Variants in CELSR1 observed in about 807,000 individuals in gnomAD.
CELSR1 encodes the protein adhesion G protein-coupled receptor C1.
CELSR1 carries 110 observed loss-of-function variants against 249.1 expected under a neutral mutation model. That is an observed-to-expected ratio of 0.44 (90% CI 0.38 to 0.52). CELSR1 has a LOEUF of 0.52. Among genes scored for constraint, CELSR1 ranks in the 20% least tolerant of loss-of-function variants. The probability of loss-of-function intolerance (pLI) is 0.00; values close to 1 mark genes in which losing one functional copy is unlikely to be tolerated. For synonymous variants in CELSR1, 2,113 were observed against 1,900.0 expected, an observed-to-expected ratio of 1.11 and a Z score of -2.92; for missense variants, 4,109 against 4,296.4, an observed-to-expected ratio of 0.96 and a Z score of 1.22.
intron 1 of CELSR1, among the ~76,000 whole-genome samples, chr22:46,494,674 T>C (rs546234903): frequency 6.6e-6 from 1 of 152,076 alleles, no homozygotes; most frequent in East Asian, 1.9e-4. Flanking sequence ...GCCTGGCTAA[T>C]TTCTGTATTT....
In CELSR1 at chr22:46,406,524, G is replaced by A. The variant is rs886765025; in HGVS notation, c.5226+2472C>T. 2.6e-5 allele frequency among the ~76,000 whole-genome samples: 4 copies of A among 152,214 alleles called. No homozygotes were observed. The highest frequency in any genetic ancestry group is 9.6e-5 in the African/African-American group (4 of 41,460). On this transcript the variant is annotated intron_variant, in intron 9 of 34. Coordinates refer to ENST00000674500, the MANE Select transcript of CELSR1 (RefSeq NM_001378328.1). The surrounding 1 kb of genome is among the most constrained non-coding windows in gnomAD (Gnocchi z 5.4). ...AGGGACTGACCTCCACCAGCCTGCT[G>A]GGAGCACTCTCGGTCCTGCCCCCGC...
intron 1 of CELSR1, among the ~76,000 whole-genome samples, chr22:46,509,464 T>C (rs2080550142): frequency 3.3e-5 from 1 of 30,526 alleles, no homozygotes; most frequent in Admixed American, 3.9e-4. Context: ...TAAGGAGCCC[T>C]GAGCCCATGC....
At chr22:46,475,246 G>GA (rs768492118) in intron 1 of CELSR1, among the ~76,000 whole-genome samples, 3 of 151,966 alleles carry the variant, frequency 2.0e-5, no homozygotes, top group Non-Finnish European at 4.4e-5. Flanking sequence ...TATTATTACT[G>GA]AAAAAAACCC....
At position 46,423,207 on chromosome 22, in the gene CELSR1, G is replaced by A. The variant is rs573653699; in HGVS notation, c.4611+10186C>T. Among the ~76,000 whole-genome samples, 31 of 152,364 alleles carry A rather than the reference G, an allele frequency of 2.0e-4. No individual in the cohort carries two copies. Among genetic ancestry groups the A allele is most frequent in the South Asian group, 1.0e-3 (5 of 4,826 alleles). ...AGAGGCCCCAGCTGCCATGGCTAAC[G>A]GCCAGGTCATATGAGTGAGGCCTTC... On this transcript the variant is annotated intron_variant, in intron 5 of 34. Transcript: ENST00000674500. This position sits in a 1 kb window ranked among gnomAD's most constrained non-coding sequence, Gnocchi z 5.6.
intron 5 of CELSR1, among the ~76,000 whole-genome samples, chr22:46,424,816 T>C (rs1237971677): frequency 6.6e-6 from 1 of 152,106 alleles, no homozygotes; most frequent in African/African-American, 2.4e-5. Context: ...CTACTAAAAA[T>C]ACAAAATTAG....
At chr22:46,508,741 T>C (rs924672915) in intron 1 of CELSR1, among the ~76,000 whole-genome samples, 8 of 152,162 alleles carry the variant, frequency 5.3e-5, no homozygotes, top group African/African-American at 1.9e-4. Context: ...AGAATGAATA[T>C]GTTAAACAGT....
intron 1 of CELSR1, among the ~76,000 whole-genome samples, chr22:46,494,089 T>C (rs184148599): frequency 5.3e-5 from 8 of 152,342 alleles, no homozygotes; most frequent in Admixed American, 4.6e-4. Flanking sequence ...AATTCAGCTC[T>C]ATGATTTCTT....
chr22:46,493,621 A>C (rs563666019), intron 1 of CELSR1, among the ~76,000 whole-genome samples: 100 of 152,192 alleles, frequency 6.6e-4, no homozygotes, highest in African/African-American at 2.4e-3. Flanking sequence ...CTCATCTTGA[A>C]TTGTAGCTCC....
intron 2 of CELSR1, among the ~76,000 whole-genome samples, chr22:46,443,430 G>C (rs549898300): frequency 3.3e-4 from 50 of 152,304 alleles, no homozygotes; most frequent in Non-Finnish European, 6.6e-4. Context: ...AGCAGGCAGA[G>C]AGGAGCGAGC....
chr22:46,364,847 G>T, intron 32 of CELSR1, 111 bp from the exon 33 acceptor site: 1 of 1,106,442 alleles, frequency 9.0e-7, no homozygotes, highest in Non-Finnish European at 1.3e-6. Flanking sequence ...CTGCAGGCCT[G>T]GTAGGGCTGA....
At chr22:46,416,731 C>T (rs6008815) in intron 5 of CELSR1, among the ~76,000 whole-genome samples, 21,521 of 152,188 alleles carry the variant, frequency 0.14, 3,074 homozygotes, top group African/African-American at 0.37. Context: ...GAGTCATCCC[C>T]GGGGTCCAGC....
At chr22:46,475,640 T>C in intron 1 of CELSR1, among the ~76,000 whole-genome samples, 1 of 123,962 alleles carries the variant, frequency 8.1e-6, no homozygotes, top group South Asian at 3.1e-4. Flanking sequence ...TTTATTGCAA[T>C]TAAAAATAAA....
chr22:46,534,040 C>T lies in CELSR1; in HGVS notation c.3131G>A (p.Arg1044Gln), dbSNP rs764329712. ...GAGCAGGTCCAGCTGGAAGAAATGCCGCATGTCCCCTTCCACAATCTGATA... is the reference window on the plus strand; with the variant it reads ...GAGCAGGTCCAGCTGGAAGAAATGCTGCATGTCCCCTTCCACAATCTGATA... ...IMYQIVEGDMRHFFQLDLLNG... is the reference protein window; with the variant it reads ...IMYQIVEGDMQHFFQLDLLNG... Residue 1044 changes from arginine to glutamine, a missense_variant, in exon 1 of 35, where the codon CGG becomes CAG. Around this residue, in one of 7 missense-constraint regions of CELSR1, gnomAD observed 886 missense variants for 896.5 expected, o/e 0.99. Transcript: ENST00000674500. The surrounding 1 kb of genome is among the most constrained non-coding windows in gnomAD (Gnocchi z 9.7). 3 of 1,613,712 alleles carry T rather than the reference C, an allele frequency of 1.9e-6. No homozygotes were observed. Among genetic ancestry groups the T allele is most frequent in the East Asian group, 2.2e-5 (1 of 44,888 alleles).
intron 9 of CELSR1, among the ~76,000 whole-genome samples, chr22:46,404,304 C>T (rs554103382): frequency 2.0e-5 from 3 of 151,212 alleles, no homozygotes; most frequent in Admixed American, 6.6e-5. Flanking sequence ...CTCAGCTACT[C>T]GGGAGGCTGA....
chr22:46,531,457 C>T (rs1448738577), intron 1 of CELSR1, among the ~76,000 whole-genome samples: 1 of 152,168 alleles, frequency 6.6e-6, no homozygotes, highest in East Asian at 1.9e-4. Context: ...CCACCTGCCT[C>T]GGCCTCCCAC....
At chr22:46,376,682 T>C (rs1200577846) in intron 24 of CELSR1, among the ~76,000 whole-genome samples, 1 of 152,202 alleles carries the variant, frequency 6.6e-6, no homozygotes, top group African/African-American at 2.4e-5. Context: ...AAATCACTTT[T>C]GACAAGAGTT....
At chr22:46,370,306 G>A (rs937842788) in intron 25 of CELSR1, 2 of 367,844 alleles carry the variant, frequency 5.4e-6, no homozygotes, top group African/African-American at 2.1e-5. Context: ...ACGTGCACAT[G>A]CCATACACAT....
chr22:46,462,455 CT>C (rs1253186981), intron 2 of CELSR1, among the ~76,000 whole-genome samples: 1 of 152,164 alleles, frequency 6.6e-6, no homozygotes, highest in African/African-American at 2.4e-5. Context: ...CTCTTCCTGC[CT>C]GATAAATACC....
At chr22:46,389,039 C>G (rs536520230) in intron 18 of CELSR1, among the ~76,000 whole-genome samples, 4 of 152,378 alleles carry the variant, frequency 2.6e-5, no homozygotes, top group African/African-American at 9.6e-5. Context: ...TTAGATCACA[C>G]TACAGGCACT....
Sources: allele counts gnomAD v4.1 joint callset (sites outside exome capture counted in the v4.1 genomes callset), GRCh38; gene constraint gnomAD v4.1.1; regional missense constraint gnomAD v4.1.1; non-coding constraint Gnocchi (gnomAD v3.1); transcripts MANE v1.5; gene names NCBI Gene and HGNC (gene_info 2026-07-23, HGNC 2026-07-21).